WDR41: variants seen among roughly 807,000 people sequenced by gnomAD.
The protein encoded by WDR41 is WD repeat domain 41, also known as WD repeat-containing protein 41.
In WDR41, 63 loss-of-function variants were observed where a neutral mutation model predicts 69.3. The ratio of observed to expected loss-of-function variants is 0.91; its 90% CI spans 0.74 to 1.12. WDR41 has a LOEUF of 1.12. WDR41 is among the 50% of genes most tolerant of loss of function. The pLI, the probability that WDR41 is intolerant of heterozygous loss-of-function variation, is 0.00. For synonymous variants in WDR41, 185 were observed against 192.1 expected (o/e 0.96, Z 0.31); for missense variants, 543 against 534.5 (o/e 1.02, Z -0.16).
At chr5:77,504,875 C>T (rs2112161135) in intron 1 of WDR41, among the ~76,000 whole-genome samples, 1 of 152,214 alleles carries the variant, frequency 6.6e-6, no homozygotes, top group Non-Finnish European at 1.5e-5. Flanking sequence ...GAACGTATCT[C>T]AAAATAATAA....
chr5:77,485,240 T>C (rs186733438), intron 2 of WDR41, among the ~76,000 whole-genome samples: 40 of 152,314 alleles, frequency 2.6e-4, no homozygotes, highest in Non-Finnish European at 5.6e-4. Context: ...GAAGGATCTA[T>C]ACTGACTATC....
intron 1 of WDR41, among the ~76,000 whole-genome samples, chr5:77,522,151 A>G (rs1477867185): frequency 6.6e-6 from 1 of 152,222 alleles, no homozygotes; most frequent in Non-Finnish European, 1.5e-5. Flanking sequence ...ACCTGTTTGT[A>G]TTTAAGGGAA....
chr5:77,488,150 A>C (rs988722452), intron 2 of WDR41, among the ~76,000 whole-genome samples: 3 of 152,238 alleles, frequency 2.0e-5, no homozygotes, highest in African/African-American at 7.2e-5. Flanking sequence ...CTGGAAATGC[A>C]AGTGGCCTAC....
intron 1 of WDR41, among the ~76,000 whole-genome samples, chr5:77,616,503 C>T (rs1474702983): frequency 6.6e-6 from 1 of 152,180 alleles, no homozygotes; most frequent in Non-Finnish European, 1.5e-5. Flanking sequence ...GAAAGTGAGG[C>T]TAATTTCAGA....
rs866213043 is a variant in WDR41, at chr5:77,614,101, A to G, written c.42+6378T>C. 1.4e-4 allele frequency among the ~76,000 whole-genome samples: 21 copies of G among 152,176 alleles called. 1 individual carries two copies. In the South Asian group the frequency reaches 4.2e-3, roughly 30 times the overall value. Reference sequence around the variant, plus strand: ...CAAATCAAAACCACAACGAGATACCATCTCACACCAGTTAGAATGGCAATC... The same window carrying G: ...CAAATCAAAACCACAACGAGATACCGTCTCACACCAGTTAGAATGGCAATC... On this transcript the variant is annotated intron_variant, in intron 1 of 5. Coordinates refer to the WDR41 transcript ENST00000509971.
chr5:77,458,196 G>A (rs3101871), intron 5 of WDR41, among the ~76,000 whole-genome samples: 89,761 of 151,940 alleles, frequency 0.59, 28,365 homozygotes, highest in African/African-American at 0.81. Flanking sequence ...AAGTTAGATA[G>A]AAGTATATAT....
intron 1 of WDR41, among the ~76,000 whole-genome samples, chr5:77,578,864 C>CAAA (rs55920763): frequency 2.5e-3 from 187 of 76,240 alleles, no homozygotes; most frequent in Middle Eastern, 9.8e-3. Flanking sequence ...AACTCCATCT[C>CAAA]AAAAAAAAAA....
At chr5:77,444,747 G>A (rs1395889673) in intron 8 of WDR41, among the ~76,000 whole-genome samples, 4 of 152,194 alleles carry the variant, frequency 2.6e-5, no homozygotes, top group Non-Finnish European at 5.9e-5. Context: ...CATGGCTAAC[G>A]TGCCTATGTA....
chr5:77,607,568 C>T (rs1744446991), intron 1 of WDR41, among the ~76,000 whole-genome samples: 2 of 152,200 alleles, frequency 1.3e-5, no homozygotes, highest in Admixed American at 1.3e-4. Context: ...GACCCTGTGT[C>T]CTCCTCTAGT....
chr5:77,540,841 A>G (rs745929083), intron 1 of WDR41, among the ~76,000 whole-genome samples: 1 of 152,220 alleles, frequency 6.6e-6, no homozygotes, highest in Non-Finnish European at 1.5e-5. Context: ...CATTTATGGT[A>G]TACAGGCTTC....
At chr5:77,558,701 T>G (rs1273501107) in intron 1 of WDR41, among the ~76,000 whole-genome samples, 1 of 152,234 alleles carries the variant, frequency 6.6e-6, no homozygotes, top group Non-Finnish European at 1.5e-5. Flanking sequence ...CTATTTATGT[T>G]ATTGCAGTGA....
At chr5:77,509,861 T>C (rs1486037656) in intron 1 of WDR41, among the ~76,000 whole-genome samples, 1 of 152,226 alleles carries the variant, frequency 6.6e-6, no homozygotes, top group Non-Finnish European at 1.5e-5. Context: ...ATCTCAACAA[T>C]GCTGATTTTA....
At chr5:77,502,054 G>C (rs1314923444) in intron 1 of WDR41, among the ~76,000 whole-genome samples, 1 of 152,032 alleles carries the variant, frequency 6.6e-6, no homozygotes, top group African/African-American at 2.4e-5. Context: ...TCAGAAAGTT[G>C]GTAATAACAA....
At chr5:77,530,883 A>C (rs1326001938) in intron 1 of WDR41, among the ~76,000 whole-genome samples, 1 of 151,828 alleles carries the variant, frequency 6.6e-6, no homozygotes, top group Non-Finnish European at 1.5e-5. Context: ...AATGGGTAGA[A>C]ATATAATAAA....
At chr5:77,556,698 C>T (rs1743409081) in intron 1 of WDR41, among the ~76,000 whole-genome samples, 1 of 152,062 alleles carries the variant, frequency 6.6e-6, no homozygotes, top group Admixed American at 6.5e-5. Flanking sequence ...GCTCAATGCC[C>T]CCATCCAAAA....
At chr5:77,436,429 C>G (rs771703781) in intron 11 of WDR41, 35 bp from the exon 12 acceptor site, 65 of 1,608,108 alleles carry the variant, frequency 4.0e-5, no homozygotes, top group Non-Finnish European at 5.5e-5. Context: ...TTACTGTGCT[C>G]TGTACTTACA....
intron 11 of WDR41, 69 bp from the exon 12 acceptor site, chr5:77,436,463 A>T: frequency 6.3e-7 from 1 of 1,577,336 alleles, no homozygotes; most frequent in East Asian, 2.3e-5. Context: ...AGAAAAACAA[A>T]ATTTAAATGT....
chr5:77,436,032 A>G (rs533137294), intron 12 of WDR41, among the ~76,000 whole-genome samples: 1 of 152,362 alleles, frequency 6.6e-6, no homozygotes, highest in South Asian at 2.1e-4. Flanking sequence ...AATAATGGTG[A>G]TTAAGACCAT....
chr5:77,519,863 C>G (rs925954003), intron 1 of WDR41, among the ~76,000 whole-genome samples: 5 of 150,674 alleles, frequency 3.3e-5, no homozygotes, highest in African/African-American at 1.2e-4. Flanking sequence ...TTAATCTAAG[C>G]CCTTGGATTG....
Sources: allele counts gnomAD v4.1 joint callset (sites outside exome capture counted in the v4.1 genomes callset), GRCh38; gene constraint gnomAD v4.1.1; transcripts MANE v1.5; gene names NCBI Gene and HGNC (gene_info 2026-07-23, HGNC 2026-07-21).